Variants in ZNF704 observed in about 807,000 individuals in gnomAD.
ZNF704 encodes zinc finger protein 704.
A neutral mutation model predicts 44.7 loss-of-function variants in ZNF704; 10 were observed. That is an observed-to-expected ratio of 0.22 (90% CI 0.14 to 0.38). ZNF704 has a LOEUF of 0.38. Ranked by LOEUF, ZNF704 falls within the 10% of genes least tolerant of loss-of-function variation. ZNF704 has a pLI of 1.00. For synonymous variants in ZNF704, 211 were observed against 207.6 expected (o/e 1.02, Z -0.14); for missense variants, 390 against 545.5 (o/e 0.71, Z 2.84).
At chr8:80,861,991 C>CTTTTTTTTTTTTTTT (rs71266093) in intron 1 of ZNF704, among the ~76,000 whole-genome samples, 2 of 92,996 alleles carry the variant, frequency 2.2e-5, no homozygotes, top group African/African-American at 1.1e-4. Flanking sequence ...AAAAAATAAC[C>CTTTTTTTTTTTTTTT]TTTTTTTTTT....
At chr8:80,702,518 CAGTG>C (rs1023622221) in intron 2 of ZNF704, among the ~76,000 whole-genome samples, 5 of 152,016 alleles carry the variant, frequency 3.3e-5, no homozygotes, top group Non-Finnish European at 7.4e-5. Context: ...CCAGGTTTTA[CAGTG>C]AGTAAGGGCA....
At chr8:80,831,349 A>C (rs1394857868) in intron 1 of ZNF704, among the ~76,000 whole-genome samples, 1 of 152,142 alleles carries the variant, frequency 6.6e-6, no homozygotes, top group Admixed American at 6.5e-5. Flanking sequence ...TCATCTGTCC[A>C]AATAGGGTGC....
chr8:80,737,702 T>C (rs1294951240), intron 2 of ZNF704, among the ~76,000 whole-genome samples: 1 of 152,202 alleles, frequency 6.6e-6, no homozygotes, highest in Non-Finnish European at 1.5e-5. Context: ...GAATAATTTT[T>C]CTGGACTTAT....
chr8:80,749,378 A>G (rs1056072984), intron 2 of ZNF704, among the ~76,000 whole-genome samples: 3 of 152,144 alleles, frequency 2.0e-5, no homozygotes, highest in African/African-American at 7.2e-5. Context: ...GATGCTTGCC[A>G]TTGTGTTATG....
chr8:80,665,210 T>C, intron 5 of ZNF704, 128 bp from the exon 6 acceptor site: 2 of 1,004,058 alleles, frequency 2.0e-6, no homozygotes, highest in Non-Finnish European at 2.9e-6. Context: ...AAACTCTTCC[T>C]TATCCTGCAG....
intron 1 of ZNF704, among the ~76,000 whole-genome samples, chr8:80,844,553 T>C (rs1023560526): frequency 6.6e-5 from 10 of 152,308 alleles, no homozygotes; most frequent in African/African-American, 1.9e-4. Flanking sequence ...ATTCCGTCTA[T>C]AGTGCTTCCC....
intron 1 of ZNF704, among the ~76,000 whole-genome samples, chr8:80,850,905 A>G (rs1239620593): frequency 6.6e-6 from 1 of 152,196 alleles, no homozygotes; most frequent in African/African-American, 2.4e-5. Flanking sequence ...TGACCATCCT[A>G]GCCATCAGCC....
intron 2 of ZNF704, among the ~76,000 whole-genome samples, chr8:80,790,906 AC>A (rs2129746890): frequency 6.6e-6 from 1 of 152,198 alleles, no homozygotes; most frequent in South Asian, 2.1e-4. Context: ...CAGGTGAGAG[AC>A]CCTTATGAAA....
intron 2 of ZNF704, among the ~76,000 whole-genome samples, chr8:80,771,661 G>T (rs560720584): frequency 3.0e-4 from 45 of 152,042 alleles, no homozygotes; most frequent in African/African-American, 8.7e-4. Flanking sequence ...GACAGTTTTG[G>T]TTTTTTTCCT....
intron 7 of ZNF704, among the ~76,000 whole-genome samples, chr8:80,655,913 A>G (rs1181721878): frequency 6.6e-6 from 1 of 152,112 alleles, no homozygotes; most frequent in East Asian, 1.9e-4. Flanking sequence ...GCCTCCTAGA[A>G]CTTGGATAGC....
chr8:80,827,936 G>T (rs1461073534), intron 1 of ZNF704, among the ~76,000 whole-genome samples: 1 of 152,178 alleles, frequency 6.6e-6, no homozygotes, highest in East Asian at 1.9e-4. Context: ...ATGGATTAAA[G>T]ACTTCAATGT....
In ZNF704 at chr8:80,874,765, T is replaced by C. The variant is rs181631411; in HGVS notation, c.-216A>G. On this transcript the variant is annotated 5_prime_UTR_variant, in exon 1 of 9. Coordinates refer to ENST00000327835, the MANE Select transcript of ZNF704 (RefSeq NM_001033723.3). The surrounding 1 kb of genome is among the most constrained non-coding windows in gnomAD (Gnocchi z 4.4). ...AATGGACACTGATGTGCATGGCAGCTACTCCTGAGCTTGTGTGAAATCAAG... is the reference window on the plus strand; with the variant it reads ...AATGGACACTGATGTGCATGGCAGCCACTCCTGAGCTTGTGTGAAATCAAG... The C allele has an allele frequency of 1.7e-3, 253 of 152,352 alleles. No homozygotes were observed. Among genetic ancestry groups the C allele is most frequent in the African/African-American group, 5.3e-3 (222 of 41,580 alleles). The allele number at this position is 152,352 out of a possible 1,614,324, so 9.4% of individuals were successfully genotyped here.
chr8:80,749,449 A>G (rs562423950), intron 2 of ZNF704: 2 of 152,796 alleles, frequency 1.3e-5, no homozygotes, highest in East Asian at 3.9e-4. Flanking sequence ...GAAACAGCAT[A>G]TATCCTACCA....
At chr8:80,750,367 A>AC (rs1806920381) in intron 2 of ZNF704, among the ~76,000 whole-genome samples, 1 of 151,312 alleles carries the variant, frequency 6.6e-6, no homozygotes, top group Non-Finnish European at 1.5e-5. Flanking sequence ...TAAAAAAAAA[A>AC]GGAGAAATTA....
intron 2 of ZNF704, among the ~76,000 whole-genome samples, chr8:80,800,333 A>C (rs181424244): frequency 6.6e-6 from 1 of 152,226 alleles, no homozygotes; most frequent in African/African-American, 2.4e-5. Flanking sequence ...CAGTAAGATA[A>C]TCCATGAGAA....
intron 2 of ZNF704, among the ~76,000 whole-genome samples, chr8:80,696,976 G>C (rs1818736535): frequency 6.6e-6 from 1 of 152,198 alleles, no homozygotes; most frequent in South Asian, 2.1e-4. Context: ...GAGTGCTTCA[G>C]ATTTCAGATT....
intron 2 of ZNF704, among the ~76,000 whole-genome samples, chr8:80,752,552 A>C (rs1438978665): frequency 6.6e-6 from 1 of 151,976 alleles, no homozygotes; most frequent in Non-Finnish European, 1.5e-5. Flanking sequence ...TTAAAAAAAA[A>C]AAAAACGAAA....
intron 2 of ZNF704, among the ~76,000 whole-genome samples, chr8:80,749,982 C>T (rs1806913442): frequency 6.6e-6 from 1 of 152,156 alleles, no homozygotes; most frequent in African/African-American, 2.4e-5. Flanking sequence ...AAGGTGTTTG[C>T]CTTCTCACAG....
At chr8:80,674,066 C>T (rs1027100205) in intron 4 of ZNF704, among the ~76,000 whole-genome samples, 4 of 152,146 alleles carry the variant, frequency 2.6e-5, no homozygotes, top group Non-Finnish European at 5.9e-5. Flanking sequence ...CTTTGAGGGA[C>T]GTGAAAATGC....
Sources: gnomAD v4.1 joint callset for allele counts (sites outside exome capture counted in the v4.1 genomes callset) on GRCh38, gnomAD v4.1.1 for gene constraint, Gnocchi (gnomAD v3.1) non-coding constraint, MANE v1.5 for transcripts, NCBI Gene and HGNC (gene_info 2026-07-23, HGNC 2026-07-21) for gene names.